TRAPPC9: variants seen among roughly 807,000 people sequenced by gnomAD.
TRAPPC9 encodes the protein IKK2 binding protein.
In TRAPPC9, 83 loss-of-function variants were observed where a neutral mutation model predicts 124.0. That is an observed-to-expected ratio of 0.67 (90% CI 0.56 to 0.80). The LOEUF is 0.80. Among genes scored for constraint, TRAPPC9 ranks in the 30% least tolerant of loss-of-function variants. TRAPPC9 has a pLI of 0.00. For missense variants in TRAPPC9, 1,302 were observed against 1,508.3 expected, an observed-to-expected ratio of 0.86 and a Z score of 2.27; for synonymous variants, 638 against 617.5, an observed-to-expected ratio of 1.03 and a Z score of -0.49.
chr8:140,262,764 G>A (rs1486918386), intron 15 of TRAPPC9: 1 of 152,214 alleles, frequency 6.6e-6, no homozygotes, highest in Non-Finnish European at 1.5e-5. Flanking sequence ...ATGTCAATGT[G>A]ATGTAAATGT....
Position 139,907,071 on chromosome 8 carries a change from T to C in TRAPPC9, c.2964+3076A>G, listed in dbSNP as rs886326702. ...ACGCTGCACTGCAAGTGCCCATCTC[T>C]GTATCTGTCCCCTCCCCTTTGATGG... is the stretch of plus-strand genomic sequence containing the variant. On this transcript the variant is annotated intron_variant, in intron 20 of 22. Coordinates refer to ENST00000438773, the MANE Select transcript of TRAPPC9 (RefSeq NM_001160372.4). This position sits in a 1 kb window ranked among gnomAD's most constrained non-coding sequence, Gnocchi z 4.7. 6.6e-6 allele frequency among the ~76,000 whole-genome samples: 1 copy of C among 152,224 alleles called. No individual in the cohort carries two copies. The highest frequency in any genetic ancestry group is 1.5e-5 in the Non-Finnish European group (1 of 68,042).
intron 16 of TRAPPC9, chr8:140,238,507 A>T (rs2063775970): frequency 6.6e-6 from 1 of 152,256 alleles, no homozygotes; most frequent in South Asian, 2.1e-4. Flanking sequence ...ATTACTGCCT[A>T]TGAGTCAGAC....
Position 139,961,930 on chromosome 8 carries a change from A to C in TRAPPC9, c.2810+26796T>G, listed in dbSNP as rs1017989484. Among the ~76,000 whole-genome samples the C allele has an allele frequency of 9.7e-5, 12 of 123,772 alleles. 2 individuals are homozygous for C. Among genetic ancestry groups the C allele is most frequent in the Admixed American group, 9.4e-4 (11 of 11,728 alleles). 81.2% of individuals were successfully genotyped at this position (123,772 alleles called of 152,430 possible). ...GACGGGATGACCAGCTGCAGAGACA[A>C]ATAACCCCTCTGCTGATAGCTGGAG... is the stretch of plus-strand genomic sequence containing the variant. On this transcript the variant is annotated intron_variant, in intron 19 of 22. Transcript: ENST00000438773.
Position 140,104,730 on chromosome 8 carries a change from G to C in TRAPPC9, c.2557-80651C>G, listed in dbSNP as rs2060634040. On this transcript the variant is annotated intron_variant, in intron 17 of 22. Transcript: ENST00000438773. The surrounding 1 kb of genome is among the most constrained non-coding windows in gnomAD (Gnocchi z 4.0). The stretch of plus-strand genomic sequence containing the variant: ...CAGCCCAGGCACCAGGCCCGGACCA[G>C]CTGTAGTTACCCAGCTAACAGAAGA... Among the ~76,000 whole-genome samples the C allele has an allele frequency of 6.6e-6, 1 of 152,190 alleles. No homozygotes were observed. Among genetic ancestry groups the C allele is most frequent in the Non-Finnish European group, 1.5e-5 (1 of 68,026 alleles).
In TRAPPC9 at chr8:140,024,048, G is replaced by A; in HGVS notation, c.2588C>T (p.Ser863Phe). ...TLEAVLNFKYSGGPGHTEGYY... is the reference protein window; with the variant it reads ...TLEAVLNFKYFGGPGHTEGYY... ...TCCTTCAGTGTGGCCCGGGCCTCCA[G>A]AGTATTTGAAATTCAGGACAGCTTC... The change falls in exon 18 of 23, where the codon TCT (serine) becomes TTT (phenylalanine). Residue 863 changes from serine to phenylalanine, a missense_variant. Around this residue, in one of 3 missense-constraint regions of TRAPPC9, gnomAD observed 640 missense variants for 679.3 expected, o/e 0.94. Transcript: ENST00000438773. 1 of 1,613,906 alleles carries A rather than the reference G, an allele frequency of 6.2e-7. No individual in the cohort carries two copies. The highest frequency in any genetic ancestry group is 8.5e-7 in the Non-Finnish European group (1 of 1,179,980).
intron 17 of TRAPPC9, among the ~76,000 whole-genome samples, chr8:140,139,159 C>G (rs1334932185): frequency 6.6e-6 from 1 of 152,150 alleles, no homozygotes; most frequent in Non-Finnish European, 1.5e-5. Context: ...CCAATGGGCA[C>G]AGAAGGCTGA....
intron 17 of TRAPPC9, among the ~76,000 whole-genome samples, chr8:140,209,780 G>T (rs1445275144): frequency 6.6e-6 from 1 of 152,190 alleles, no homozygotes; most frequent in African/African-American, 2.4e-5. Flanking sequence ...AGGCTAAAGG[G>T]TTTATACTCC....
At chr8:140,108,149 C>T (rs1024864496) in intron 17 of TRAPPC9, among the ~76,000 whole-genome samples, 24 of 152,258 alleles carry the variant, frequency 1.6e-4, no homozygotes, top group African/African-American at 5.8e-4. Flanking sequence ...TTTCCCAGTA[C>T]AGTCCTCTGT....
intron 10 of TRAPPC9, among the ~76,000 whole-genome samples, chr8:140,310,301 C>G (rs1451020393): frequency 6.6e-6 from 1 of 152,286 alleles, no homozygotes; most frequent in East Asian, 1.9e-4. Context: ...AAAGCGAGTA[C>G]ATGGCAAGAC....
intron 11 of TRAPPC9, among the ~76,000 whole-genome samples, chr8:140,299,302 CA>C (rs201220149): frequency 0.011 from 1,655 of 151,920 alleles, 14 homozygotes; most frequent in Admixed American, 0.015. Flanking sequence ...GGGGTGTGGG[CA>C]GGGGGGGGTC....
chr8:140,275,563 T>C lies in TRAPPC9; in HGVS notation c.2278+95A>G, dbSNP rs113993491. 23,098 of 1,424,826 alleles carry C rather than the reference T, an allele frequency of 0.016. 251 individuals are homozygous for C. Among genetic ancestry groups the C allele is most frequent in the South Asian group, 0.027 (2,292 of 85,042 alleles). The allele number at this position is 1,424,826 out of a possible 1,614,324, so 88.3% of individuals were successfully genotyped here. A position where few individuals can be genotyped will look rare whatever the true frequency, so the allele number is the denominator to read the frequency against. ...GACTTCAACTGAATCCACAAAGAAG[T>C]TTTTAGATTCTCTGAAAACTGAGAA... On this transcript the variant is annotated intron_variant, in intron 15 of 22. Coordinates refer to ENST00000438773, the MANE Select transcript of TRAPPC9 (RefSeq NM_001160372.4).
chr8:139,968,834 T>G (rs939849955), intron 19 of TRAPPC9, among the ~76,000 whole-genome samples: 1 of 152,098 alleles, frequency 6.6e-6, no homozygotes, highest in African/African-American at 2.4e-5. Flanking sequence ...GTTAAGTCAC[T>G]GACCCGAGAT....
intron 18 of TRAPPC9, 53 bp downstream of exon 18, chr8:140,023,884 T>TTG: frequency 6.2e-7 from 1 of 1,612,914 alleles, no homozygotes; most frequent in Non-Finnish European, 8.5e-7. Flanking sequence ...ATTCTGAACG[T>TTG]AGTGCTGTTG....
intron 17 of TRAPPC9, among the ~76,000 whole-genome samples, chr8:140,165,596 G>C (rs1012320067): frequency 3.8e-4 from 51 of 135,978 alleles, no homozygotes; most frequent in African/African-American, 1.2e-3. Flanking sequence ...GGGGGAAGGA[G>C]GGAGGGGAAG....
At chr8:140,049,995 G>A (rs1841881784) in intron 17 of TRAPPC9, among the ~76,000 whole-genome samples, 1 of 152,220 alleles carries the variant, frequency 6.6e-6, no homozygotes, top group African/African-American at 2.4e-5. Context: ...TGTGAGCGGT[G>A]ACTGTCAGGC....
At chr8:139,820,343 G>C (rs972027808) in intron 21 of TRAPPC9, among the ~76,000 whole-genome samples, 1 of 151,880 alleles carries the variant, frequency 6.6e-6, no homozygotes, top group African/African-American at 2.4e-5. Flanking sequence ...ACCATGCCTG[G>C]CTATTTTTTG....
chr8:140,410,659 T>C (rs1392655132), intron 5 of TRAPPC9, among the ~76,000 whole-genome samples: 4 of 152,030 alleles, frequency 2.6e-5, no homozygotes, highest in South Asian at 2.1e-4. Flanking sequence ...CTGGCTAACA[T>C]GGTGAAACTC....
At chr8:139,806,622 T>C (rs1253326750) in intron 21 of TRAPPC9, among the ~76,000 whole-genome samples, 1 of 152,226 alleles carries the variant, frequency 6.6e-6, no homozygotes, top group Non-Finnish European at 1.5e-5. Context: ...CCGAGCCTCC[T>C]GAACCCCCAT....
chr8:140,117,260 C>G (rs1263668938), intron 17 of TRAPPC9, among the ~76,000 whole-genome samples: 1 of 152,144 alleles, frequency 6.6e-6, no homozygotes, highest in Non-Finnish European at 1.5e-5. Flanking sequence ...GCAAAGTGCT[C>G]ACCACACAGT....
Sources: gnomAD v4.1 joint callset for allele counts (sites outside exome capture counted in the v4.1 genomes callset) on GRCh38, gnomAD v4.1.1 for gene constraint, gnomAD v4.1.1 regional missense constraint, Gnocchi (gnomAD v3.1) non-coding constraint, MANE v1.5 for transcripts, NCBI Gene and HGNC (gene_info 2026-07-23, HGNC 2026-07-21) for gene names.